Variants in AKAP9 observed in about 807,000 individuals in gnomAD.
The protein encoded by AKAP9 is A-kinase anchor protein 9.
In AKAP9, 311 loss-of-function variants were observed where a neutral mutation model predicts 488.5. The observed-to-expected ratio is 0.64, with a 90% CI of 0.58 to 0.70. The LOEUF (loss-of-function observed/expected upper bound fraction) is 0.70. AKAP9 is among the 30% of genes least tolerant of loss of function. The probability of loss-of-function intolerance (pLI) is 0.00; values close to 1 mark genes in which losing one functional copy is unlikely to be tolerated. For missense variants in AKAP9, 4,215 were observed against 4,374.5 expected (o/e 0.96, Z 1.03); for synonymous variants, 1,462 against 1,483.5 (o/e 0.99, Z 0.33).
rs1209715784 is a variant in AKAP9 at position 92,083,333 on chromosome 7, G to A, written c.8324G>A (p.Ser2775Asn). Residue 2775 changes from serine to asparagine, a missense_variant, in exon 33 of 50, where the codon AGT (serine) becomes AAT (asparagine). Ser to Asn is a conservative substitution (Grantham distance 46). Around this residue, in one of 5 missense-constraint regions of AKAP9, gnomAD observed 1,476 missense variants for 1,477.4 expected, o/e 1.00. Transcript: ENST00000356239. ...CMFEPLPIKL[S>N]KSIASQTDGT... ...TTTGAGCCACTTCCTATAAAACTGA[G>A]TAAGAGCATTGCATCCCAGACAGAT... 1.2e-6 allele frequency: 2 copies of A among 1,614,074 alleles called. No homozygotes were observed. Among genetic ancestry groups the A allele is most frequent in the Non-Finnish European group, 8.5e-7 (1 of 1,180,012 alleles).
In AKAP9 at chr7:92,095,627, G is replaced by A. The variant is rs1816435667; in HGVS notation, c.9729+454G>A. The stretch of plus-strand genomic sequence containing the variant: ...TTTGCAAGGCTCTCAGCTCAAGGCA[G>A]GCTGCTTTGAGTATCTGCTTTTAAT... On this transcript the variant is annotated intron_variant, in intron 40 of 49. Coordinates refer to ENST00000356239, the MANE Select transcript of AKAP9 (RefSeq NM_005751.5). Among the ~76,000 whole-genome samples the A allele has an allele frequency of 2.0e-5, 3 of 152,264 alleles. 1 individual carries two copies. In the South Asian group the frequency reaches 6.2e-4, roughly 32 times the overall value.
Position 92,002,378 on chromosome 7 carries a change from G to A in AKAP9, c.2461G>A (p.Glu821Lys). 2 of 1,611,342 alleles carry A rather than the reference G, an allele frequency of 1.2e-6. No homozygotes were observed. Among genetic ancestry groups the A allele is most frequent in the Non-Finnish European group, 1.7e-6 (2 of 1,178,992 alleles). ...SKSKDSVWEKEIEILIEENED... is the reference protein window; with the variant it reads ...SKSKDSVWEKKIEILIEENED... ...ATCCAAAGACTCTGTGTGGGAAAAA[G>A]AAATAGAAATACTTATAGAGGAAAA... Residue 821 changes from glutamate (E) to lysine (K), a missense_variant, in exon 8 of 50, where the codon GAA becomes AAA. Glu to Lys is a moderately conservative substitution (Grantham distance 56, BLOSUM62 1). This residue lies in a region of AKAP9 where 2,361 missense variants were observed against 2,430.0 expected (regional missense o/e 0.97). Coordinates refer to ENST00000356239, the MANE Select transcript of AKAP9 (RefSeq NM_005751.5).
rs759420298 is a variant in AKAP9, at chr7:92,089,445, T to A, written c.9274T>A (p.Ser3092Thr). 6.2e-7 allele frequency: 1 copy of A among 1,612,784 alleles called. No individual in the cohort carries two copies. Among genetic ancestry groups the A allele is most frequent in the South Asian group, 1.1e-5 (1 of 91,024 alleles). ...LQKADRRSLL[S>T]EIQALHAQMN... ...GAAAGCAGATAGAAGGAGTTTGTTA[T>A]CTGAAATTCAGGCACTGCATGCACA... Residue 3092 changes from serine (S) to threonine (T), a missense_variant, in exon 38 of 50, where the codon TCT becomes ACT. This residue lies in a region of AKAP9 where 1,476 missense variants were observed against 1,477.4 expected (regional missense o/e 1.00). Coordinates refer to ENST00000356239, the MANE Select transcript of AKAP9 (RefSeq NM_005751.5).
intron 12 of AKAP9, among the ~76,000 whole-genome samples, chr7:92,019,829 G>A (rs1004239133): frequency 1.3e-5 from 2 of 151,702 alleles, no homozygotes; most frequent in Non-Finnish European, 2.9e-5. Context: ...CCAACATGGT[G>A]AAACCCCATC....
In AKAP9 at chr7:92,065,342, T is replaced by C; in HGVS notation, c.6089T>C (p.Val2030Ala). 1 of 1,613,028 alleles carries C rather than the reference T, an allele frequency of 6.2e-7. No homozygotes were observed. Among genetic ancestry groups the C allele is most frequent in the Non-Finnish European group, 8.5e-7 (1 of 1,179,418 alleles). ...QKQVKALEIDVEEQVSRFIEL... is the reference protein window; with the variant it reads ...QKQVKALEIDAEEQVSRFIEL... Reference sequence around the variant, plus strand: ...CAAGTGAAAGCTCTAGAAATAGATGTGGAAGAACAAGTCAGTAGGTTTATA... The same window carrying C: ...CAAGTGAAAGCTCTAGAAATAGATGCGGAAGAACAAGTCAGTAGGTTTATA... The change falls in exon 25 of 50, where the codon GTG (valine) becomes GCG (alanine). Residue 2030 changes from valine to alanine, a missense_variant. This residue lies in a region of AKAP9 where 2,361 missense variants were observed against 2,430.0 expected (regional missense o/e 0.97). Transcript: ENST00000356239.
intron 21 of AKAP9, among the ~76,000 whole-genome samples, chr7:92,049,660 A>C (rs1327330209): frequency 1.3e-5 from 2 of 151,990 alleles, no homozygotes; most frequent in Non-Finnish European, 2.9e-5. Context: ...TTTAAGCTTG[A>C]TGTCTTTCTC....
At chr7:91,994,481 A>C (rs554838291) in intron 5 of AKAP9, 140 bp from the exon 6 acceptor site, 4 of 757,698 alleles carry the variant, frequency 5.3e-6, no homozygotes, top group Non-Finnish European at 8.4e-6. Context: ...TCTGTAAGTT[A>C]ATAGTTTTCA....
chr7:92,047,529 A>AT (rs1320890112), intron 21 of AKAP9, among the ~76,000 whole-genome samples: 4 of 152,122 alleles, frequency 2.6e-5, no homozygotes, highest in African/African-American at 9.7e-5. Context: ...ATAGTTTTCA[A>AT]TTATAAGCAA....
chr7:92,093,401 A>G, intron 39 of AKAP9, 85 bp downstream of exon 39: 1 of 1,154,652 alleles, frequency 8.7e-7, no homozygotes, highest in Non-Finnish European at 1.3e-6. Context: ...AGAGAAATGT[A>G]ACATGCATGA....
At position 92,002,068 on chromosome 7, in the gene AKAP9, G is replaced by A. The variant is rs781409804; in HGVS notation, c.2151G>A (p.Met717Ile). The change falls in exon 8 of 50, where the codon ATG (methionine) becomes ATA (isoleucine). Residue 717 changes from methionine (M) to isoleucine (I), a missense_variant. Met to Ile is a conservative substitution (Grantham distance 10, BLOSUM62 1). Coordinates refer to ENST00000356239, the MANE Select transcript of AKAP9 (RefSeq NM_005751.5). ...QSLVNSKSEE[M>I]TLQINELQKE... ...TTGTAAATTCAAAGTCAGAAGAAAT[G>A]ACTCTTCAAATCAATGAACTTCAAA... 3.1e-6 allele frequency: 5 copies of A among 1,600,446 alleles called. No homozygotes were observed. The Admixed American group carries it at 8.7e-5, about 28-fold the overall frequency.
chr7:92,033,442 C>CTTTTTTTTTTTTTTTTTTTT (rs35497475), intron 16 of AKAP9, among the ~76,000 whole-genome samples: 1 of 107,374 alleles, frequency 9.3e-6, no homozygotes, highest in African/African-American at 3.6e-5. Flanking sequence ...CTTTTCTTTT[C>CTTTTTTTTTTTTTTTTTTTT]TTTTTTTTTT....
At chr7:91,961,616 G>A (rs571280527) in intron 1 of AKAP9, among the ~76,000 whole-genome samples, 5 of 152,058 alleles carry the variant, frequency 3.3e-5, no homozygotes, top group South Asian at 2.1e-4. Flanking sequence ...AGGCCTAGGC[G>A]GGCGGATCAT....
chr7:92,108,035 GA>G (rs1295013112), intron 48 of AKAP9: 26 of 164,400 alleles, frequency 1.6e-4, no homozygotes, highest in African/African-American at 4.4e-4. Flanking sequence ...AAAAAAAAAA[GA>G]AAAAAAATAT....
Position 91,994,779 on chromosome 7 carries a change from A to C in AKAP9, c.732+3A>C. ...AATTACAGATTCAATTTCAGCAAGT[A>C]AGTATTACTAATGCAACAAAATTCA... On this transcript the variant is annotated splice_donor_region_variant and intron_variant, in intron 6 of 49. Transcript: ENST00000356239. The C allele has an allele frequency of 8.7e-6, 14 of 1,607,112 alleles. No individual in the cohort carries two copies. Among genetic ancestry groups the C allele is most frequent in the Non-Finnish European group, 1.2e-5 (14 of 1,176,076 alleles).
intron 37 of AKAP9, 73 bp from the exon 38 acceptor site, chr7:92,089,312 T>G: frequency 6.5e-7 from 1 of 1,544,992 alleles, no homozygotes; most frequent in Non-Finnish European, 8.9e-7. Flanking sequence ...TCATTCTTCT[T>G]TAGATTTCTT....
rs1316400952 is a variant in AKAP9 at position 92,079,976 on chromosome 7, G to T, written c.7843G>T (p.Val2615Phe). ...TLRISELESQ[V>F]VEMHTSLILE... ...GAGAATATCAGAATTAGAAAGCCAG[G>T]TTGTTGAAATGCATACTAGTTTGAT... is the stretch of plus-strand genomic sequence containing the variant. The change falls in exon 31 of 50, where the codon GTT (valine) becomes TTT (phenylalanine). Residue 2615 changes from valine to phenylalanine, a missense_variant. Coordinates refer to ENST00000356239, the MANE Select transcript of AKAP9 (RefSeq NM_005751.5). 2 of 1,582,558 alleles carry T rather than the reference G, an allele frequency of 1.3e-6. No homozygotes were observed. The highest frequency in any genetic ancestry group is 1.7e-6 in the Non-Finnish European group (2 of 1,169,182).
chr7:92,109,666 G>A lies in AKAP9; in HGVS notation c.11687-456G>A, dbSNP rs141366505. Reference sequence around the variant, plus strand: ...CAGCTTAAGTATATGGGCTGGGCGCGGTGGCTCATGCCTGTAATCCCAGCA... The same window carrying A: ...CAGCTTAAGTATATGGGCTGGGCGCAGTGGCTCATGCCTGTAATCCCAGCA... On this transcript the variant is annotated intron_variant, in intron 49 of 49. Coordinates refer to ENST00000356239, the MANE Select transcript of AKAP9 (RefSeq NM_005751.5). 9.9e-5 allele frequency among the ~76,000 whole-genome samples: 15 copies of A among 152,230 alleles called. No individual in the cohort carries two copies. In the East Asian group the frequency reaches 1.7e-3, roughly 18 times the overall value.
Position 92,100,896 on chromosome 7 carries a change from C to G in AKAP9, c.10937C>G (p.Ala3646Gly). ...TTGAATGGTGGTGCCAACATTGAAGCCATCATTGCCTCTGAAAAAGAAGTA... is the reference window on the plus strand; with the variant it reads ...TTGAATGGTGGTGCCAACATTGAAGGCATCATTGCCTCTGAAAAAGAAGTA... ...FSLNGGANIEAIIASEKEVWN... is the reference protein window; with the variant it reads ...FSLNGGANIEGIIASEKEVWN... The change falls in exon 45 of 50, where the codon GCC (alanine) becomes GGC (glycine). Residue 3646 changes from alanine (A) to glycine (G), a missense_variant. Ala to Gly is a moderately conservative substitution (Grantham distance 60, BLOSUM62 0). Coordinates refer to ENST00000356239, the MANE Select transcript of AKAP9 (RefSeq NM_005751.5). The G allele has an allele frequency of 6.2e-7, 1 of 1,614,082 alleles. No individual in the cohort carries two copies. Among genetic ancestry groups the G allele is most frequent in the South Asian group, 1.1e-5 (1 of 91,072 alleles).
At chr7:91,941,244 G>T in intron 1 of AKAP9, 97 bp downstream of exon 1, 1 of 1,235,446 alleles carries the variant, frequency 8.1e-7, no homozygotes, top group Non-Finnish European at 1.2e-6. Flanking sequence ...CAGCCCCAGT[G>T]CACTGCCCGA....
Sources: allele counts gnomAD v4.1 joint callset (sites outside exome capture counted in the v4.1 genomes callset), GRCh38; gene constraint gnomAD v4.1.1; regional missense constraint gnomAD v4.1.1; transcripts MANE v1.5; gene names NCBI Gene and HGNC (gene_info 2026-07-23, HGNC 2026-07-21).